The following BMPER variants were observed in gnomAD, a reference collection of about 807,000 sequenced individuals.
BMPER encodes the protein BMP-binding endothelial regulator protein.
In BMPER, 45 loss-of-function variants were observed where a neutral mutation model predicts 87.3. The ratio of observed to expected loss-of-function variants is 0.52; its 90% CI spans 0.41 to 0.66. BMPER has a LOEUF of 0.66. BMPER is among the 30% of genes least tolerant of loss of function. The pLI is 0.00. For synonymous variants in BMPER, 326 were observed against 316.2 expected (o/e 1.03, Z -0.33); for missense variants, 784 against 867.5 (o/e 0.90, Z 1.21).
intron 13 of BMPER, among the ~76,000 whole-genome samples, chr7:34,130,839 G>A (rs1282893134): frequency 6.6e-6 from 1 of 152,184 alleles, no homozygotes; most frequent in Non-Finnish European, 1.5e-5. Context: ...AGGAGAAGGG[G>A]GAGGAAGAAC....
chr7:33,914,691 T>C (rs1784047627), intron 2 of BMPER, among the ~76,000 whole-genome samples: 1 of 151,566 alleles, frequency 6.6e-6, no homozygotes, highest in South Asian at 2.1e-4. Context: ...TGGGGAGGAG[T>C]CTAAATTGAG....
At chr7:33,967,732 T>C (rs1024906025) in intron 4 of BMPER, among the ~76,000 whole-genome samples, 4 of 152,224 alleles carry the variant, frequency 2.6e-5, no homozygotes, top group African/African-American at 9.6e-5. Flanking sequence ...TTATACCACT[T>C]CACCCATGCC....
intron 6 of BMPER, among the ~76,000 whole-genome samples, chr7:33,980,396 T>C (rs193276829): frequency 6.2e-4 from 94 of 152,322 alleles, no homozygotes; most frequent in African/African-American, 2.2e-3. Flanking sequence ...AAAGAATAGT[T>C]TATAAAGTAT....
At chr7:34,030,561 A>G (rs1787493945) in intron 6 of BMPER, among the ~76,000 whole-genome samples, 5 of 152,122 alleles carry the variant, frequency 3.3e-5, no homozygotes, top group African/African-American at 1.2e-4. Context: ...ACATCTTATG[A>G]AACAGGGTTC....
At chr7:33,933,487 T>G (rs956351864) in intron 2 of BMPER, among the ~76,000 whole-genome samples, 1 of 149,026 alleles carries the variant, frequency 6.7e-6, no homozygotes, top group Non-Finnish European at 1.5e-5. Context: ...TTTCCTTGAG[T>G]GTATTTTTGC....
At chr7:34,139,603 C>T (rs4141791) in intron 13 of BMPER, among the ~76,000 whole-genome samples, 115,082 of 151,554 alleles carry the variant, frequency 0.76, 44,112 homozygotes, top group East Asian at 0.91. Context: ...TAAGGAGAAC[C>T]GCAATCCACC....
chr7:34,087,900 G>A (rs189567614), intron 13 of BMPER, among the ~76,000 whole-genome samples: 45 of 152,260 alleles, frequency 3.0e-4, no homozygotes, highest in African/African-American at 9.9e-4. Context: ...TTTTGCCTTC[G>A]GTGATTTATT....
At chr7:34,135,596 G>A (rs1350748005) in intron 13 of BMPER, among the ~76,000 whole-genome samples, 1 of 152,140 alleles carries the variant, frequency 6.6e-6, no homozygotes, top group East Asian at 1.9e-4. Flanking sequence ...TTTGATATTG[G>A]GAGGTTGACC....
intron 13 of BMPER, among the ~76,000 whole-genome samples, chr7:34,089,637 C>T (rs1789322284): frequency 6.6e-6 from 1 of 152,042 alleles, no homozygotes; most frequent in African/African-American, 2.4e-5. Context: ...GCGCCCACCA[C>T]CACACCCGGC....
chr7:33,932,951 G>C (rs1415158851), intron 2 of BMPER, among the ~76,000 whole-genome samples: 2 of 152,114 alleles, frequency 1.3e-5, no homozygotes, highest in Non-Finnish European at 2.9e-5. Flanking sequence ...TACGCTCATG[G>C]GAGAGCTCAT....
At chr7:33,942,085 T>C (rs1041624971) in intron 3 of BMPER, among the ~76,000 whole-genome samples, 1 of 152,010 alleles carries the variant, frequency 6.6e-6, no homozygotes, top group Non-Finnish European at 1.5e-5. Flanking sequence ...GAATCTAGTA[T>C]TATTCGTGGA....
intron 2 of BMPER, among the ~76,000 whole-genome samples, chr7:33,910,455 C>A (rs921628448): frequency 1.3e-5 from 2 of 152,212 alleles, no homozygotes; most frequent in African/African-American, 4.8e-5. Context: ...GGTGCTTGAT[C>A]TTCTCAGCCT....
intron 12 of BMPER, among the ~76,000 whole-genome samples, chr7:34,082,398 G>A (rs1013362515): frequency 6.8e-6 from 1 of 146,790 alleles, no homozygotes; most frequent in South Asian, 2.2e-4. Context: ...CATGTAGAGG[G>A]TAAAAATATC....
intron 13 of BMPER, among the ~76,000 whole-genome samples, chr7:34,108,097 A>G (rs1789870140): frequency 6.6e-6 from 1 of 152,248 alleles, no homozygotes; most frequent in African/African-American, 2.4e-5. Context: ...TACAACATGG[A>G]TCTGCAAGAC....
intron 13 of BMPER, among the ~76,000 whole-genome samples, chr7:34,129,619 AGAG>A (rs879358902): frequency 0.03 from 4,063 of 134,670 alleles, 116 homozygotes; most frequent in East Asian, 0.046. Flanking sequence ...AAAGAGAGAG[AGAG>A]AGAAAGAGAG....
chr7:33,908,199 T>C (rs1783869580), intron 2 of BMPER, among the ~76,000 whole-genome samples: 1 of 152,198 alleles, frequency 6.6e-6, no homozygotes, highest in Non-Finnish European at 1.5e-5. Flanking sequence ...GCAGTGTGTG[T>C]GTATGTGTGT....
chr7:34,042,131 A>G (rs1322319622), intron 6 of BMPER, among the ~76,000 whole-genome samples: 1 of 152,228 alleles, frequency 6.6e-6, no homozygotes, highest in African/African-American at 2.4e-5. Context: ...TACATAAAGC[A>G]ATTGTGTTCT....
At chr7:34,017,469 A>G (rs1787057760) in intron 6 of BMPER, among the ~76,000 whole-genome samples, 1 of 151,784 alleles carries the variant, frequency 6.6e-6, no homozygotes. Flanking sequence ...CATAAGCCTT[A>G]TTCACTATCA....
intron 11 of BMPER, among the ~76,000 whole-genome samples, chr7:34,069,351 TC>T (rs1309901511): frequency 6.6e-6 from 1 of 152,222 alleles, no homozygotes; most frequent in Non-Finnish European, 1.5e-5. Context: ...AGGTCACATC[TC>T]CTATGAGCAA....
Sources: allele counts gnomAD v4.1 joint callset (sites outside exome capture counted in the v4.1 genomes callset), GRCh38; gene constraint gnomAD v4.1.1; transcripts MANE v1.5; gene names NCBI Gene and HGNC (gene_info 2026-07-23, HGNC 2026-07-21).